Variants in RSPH3 observed in about 807,000 individuals in gnomAD.
RSPH3 encodes radial spoke head 3.
Under a neutral mutation model 43.8 loss-of-function variants are expected in RSPH3, and 21 were observed. That is an observed-to-expected ratio of 0.48 (90% confidence interval 0.34 to 0.69). The LOEUF is 0.69. RSPH3 is among the 30% of genes least tolerant of loss of function. The probability of loss-of-function intolerance (pLI) is 0.01; values close to 1 mark genes in which losing one functional copy is unlikely to be tolerated. For synonymous variants in RSPH3, 173 were observed against 179.8 expected, an observed-to-expected ratio of 0.96 and a Z score of 0.30; for missense variants, 487 against 516.0, an observed-to-expected ratio of 0.94 and a Z score of 0.54.
Position 158,977,697 on chromosome 6 carries a change from T to C in RSPH3, c.1098A>G (p.Ser366=), listed in dbSNP as rs1002877404. 1 of 1,614,074 alleles carries C rather than the reference T, an allele frequency of 6.2e-7. No homozygotes were observed. The highest frequency in any genetic ancestry group is 1.3e-5 in the African/African-American group (1 of 74,922). ...EASEFLEQSM[S]QTRELLLDGG... is the part of the protein sequence containing the mutation. The stretch of plus-strand genomic sequence containing the variant: ...CATCTAAAAGCAGCTCCCGTGTCTG[T>C]GACATGCTCTGCTCCAGGAATTCAG... Residue 366 remains serine (S), a synonymous_variant, in exon 8 of 8, where the codon TCA becomes TCG. Coordinates refer to ENST00000367069, the MANE Select transcript of RSPH3 (RefSeq NM_031924.8).
rs928100911 is a variant in RSPH3, at chr6:158,989,594, A to G, written c.205-3173T>C. Among the ~76,000 whole-genome samples the G allele has an allele frequency of 2.6e-5, 4 of 152,232 alleles. No homozygotes were observed. The East Asian group carries it at 7.7e-4, about 29-fold the overall frequency. On this transcript the variant is annotated intron_variant, in intron 2 of 7. Transcript: ENST00000367069. This position sits in a 1 kb window ranked among gnomAD's most constrained non-coding sequence, Gnocchi z 4.3. ...TTGGTGTTTCCTTTGGTTGAGTTAT[A>G]CAGCAGAGTGTCCAGGGCTGGAGAT...
intron 6 of RSPH3, 59 bp from the exon 7 acceptor site, chr6:158,978,405 C>A: frequency 2.4e-6 from 2 of 837,446 alleles, no homozygotes; most frequent in South Asian, 1.4e-5. Flanking sequence ...GCGCTTTTCT[C>A]TTAATGTAAT....
rs1013982011 is a variant in RSPH3, at chr6:158,974,368, T to C, written c.*3170A>G. ...AACTGTTATGATGGTCCCATAACCATCTGAATGTTAATAGTACCCATTTTC... is the reference window on the plus strand; with the variant it reads ...AACTGTTATGATGGTCCCATAACCACCTGAATGTTAATAGTACCCATTTTC... On this transcript the variant is annotated 3_prime_UTR_variant, in exon 8 of 8. Coordinates refer to ENST00000367069, the MANE Select transcript of RSPH3 (RefSeq NM_031924.8). The C allele has an allele frequency of 6.6e-6, 1 of 152,220 alleles. No homozygotes were observed. Among genetic ancestry groups the C allele is most frequent in the Admixed American group, 6.5e-5 (1 of 15,278 alleles). The allele number at this position is 152,220 out of a possible 1,614,324, so 9.4% of individuals were successfully genotyped here.
rs1777878296 is a variant in RSPH3, at chr6:158,977,398, G to T, written c.*140C>A. On this transcript the variant is annotated 3_prime_UTR_variant, in exon 8 of 8. Coordinates refer to ENST00000367069, the MANE Select transcript of RSPH3 (RefSeq NM_031924.8). ...TTCTCAAATTAATTTTATCACATTT[G>T]ATTGGCCCAGTCCATTACACAAAAA... The T allele has an allele frequency of 3.0e-6, 2 of 660,042 alleles. No individual in the cohort carries two copies. Among genetic ancestry groups the T allele is most frequent in the Non-Finnish European group, 2.6e-6 (1 of 390,580 alleles). The allele number at this position is 660,042 out of a possible 1,614,324, so 40.9% of individuals were successfully genotyped here.
rs1429048916 is a variant in RSPH3 at position 158,998,456 on chromosome 6, G to A, written c.116+979C>T. On this transcript the variant is annotated intron_variant, in intron 1 of 7. Coordinates refer to ENST00000367069, the MANE Select transcript of RSPH3 (RefSeq NM_031924.8). Reference sequence around the variant, plus strand: ...TGCACTCCAGCCTGGGCGACAGAGCGAGACTCCGTCTCAAAAAAAAAAAAA... The same window carrying A: ...TGCACTCCAGCCTGGGCGACAGAGCAAGACTCCGTCTCAAAAAAAAAAAAA... Among the ~76,000 whole-genome samples, 4 of 138,222 alleles carry A rather than the reference G, an allele frequency of 2.9e-5. No homozygotes were observed. The East Asian group carries it at 8.5e-4, about 29-fold the overall frequency. The allele number at this position is 138,222 out of a possible 152,430, so 90.7% of individuals were successfully genotyped here. A position where few individuals can be genotyped will look rare whatever the true frequency, so the allele number is the denominator to read the frequency against.
At chr6:158,990,234 A>C (rs1311104411) in intron 2 of RSPH3, among the ~76,000 whole-genome samples, 1 of 152,088 alleles carries the variant, frequency 6.6e-6, no homozygotes, top group Non-Finnish European at 1.5e-5. Flanking sequence ...GAGAACCCTA[A>C]TACAATCCTC....
At chr6:158,987,887 T>C (rs1035941628) in intron 2 of RSPH3, among the ~76,000 whole-genome samples, 1 of 152,258 alleles carries the variant, frequency 6.6e-6, no homozygotes, top group Non-Finnish European at 1.5e-5. Flanking sequence ...AGTAGAATTA[T>C]GAGTGGACCG....
chr6:158,993,005 C>A (rs1402502006), intron 2 of RSPH3, among the ~76,000 whole-genome samples: 3 of 152,154 alleles, frequency 2.0e-5, no homozygotes, highest in African/African-American at 7.2e-5. Context: ...ATGTGGGCCT[C>A]TGGCTAGTGT....
At chr6:158,970,345 T>A (rs903759123), downstream of RSPH3, among the ~76,000 whole-genome samples, 1 of 152,214 alleles carries the variant, frequency 6.6e-6, no homozygotes, top group Non-Finnish European at 1.5e-5. Flanking sequence ...CCATCCTTTG[T>A]TGAGTGGCTC....
rs549135750 is a variant in RSPH3, at chr6:159,000,040, G to A, written c.-490C>T. The A allele has an allele frequency of 1.8e-4, 263 of 1,467,402 alleles. No individual in the cohort carries two copies. In the Middle Eastern group the frequency reaches 2.4e-3, roughly 13 times the overall value. The allele number at this position is 1,467,402 out of a possible 1,614,324, so 90.9% of individuals were successfully genotyped here. A position where few individuals can be genotyped will look rare whatever the true frequency, so the allele number is the denominator to read the frequency against. On this transcript the variant is annotated 5_prime_UTR_variant, in exon 1 of 8. Coordinates refer to ENST00000367069, the MANE Select transcript of RSPH3 (RefSeq NM_031924.8). ...CGGCTTTGGAATGTGGCTTTGCAGG[G>A]CTGGTGTTGGCGCCATTCTCGCAGG...
chr6:158,983,590 T>C (rs1778112297), intron 4 of RSPH3, 72 bp downstream of exon 4: 1 of 1,100,790 alleles, frequency 9.1e-7, no homozygotes, highest in Admixed American at 1.7e-5. Flanking sequence ...TTGCTCATAT[T>C]AAGCATTATC....
intron 2 of RSPH3, among the ~76,000 whole-genome samples, chr6:158,991,939 C>A (rs1353480399): frequency 6.8e-6 from 1 of 146,626 alleles, no homozygotes; most frequent in Non-Finnish European, 1.5e-5. Flanking sequence ...CTCATACAAC[C>A]ATTCTATTTT....
At chr6:158,995,703 TCCTG>T (rs1185594369) in intron 1 of RSPH3, among the ~76,000 whole-genome samples, 1 of 152,124 alleles carries the variant, frequency 6.6e-6, no homozygotes, top group Non-Finnish European at 1.5e-5. Context: ...CATGCCATTC[TCCTG>T]CCTCAGCCTC....
rs771571068 is a variant in RSPH3, at chr6:158,977,861, A to T, written c.947-13T>A. ...TCACGGATCAACACTGAAAAGTTAA[A>T]TGTTCAGACATCACTATGATTTTCA... On this transcript the variant is annotated splice_polypyrimidine_tract_variant and intron_variant, in intron 7 of 7. Transcript: ENST00000367069. 1.3e-6 allele frequency: 2 copies of T among 1,578,092 alleles called. No individual in the cohort carries two copies. Among genetic ancestry groups the T allele is most frequent in the East Asian group, 4.5e-5 (2 of 44,602 alleles).
chr6:158,986,162 G>T (rs533223548), intron 3 of RSPH3, 118 bp downstream of exon 3: 22 of 947,276 alleles, frequency 2.3e-5, no homozygotes, highest in Non-Finnish European at 3.2e-5. Flanking sequence ...CCATGTGATC[G>T]GGGAAGTATC....
chr6:158,983,243 A>C (rs1252346795), intron 4 of RSPH3, among the ~76,000 whole-genome samples: 3 of 152,152 alleles, frequency 2.0e-5, no homozygotes, highest in Non-Finnish European at 4.4e-5. Flanking sequence ...TGATAGAAAA[A>C]TGTAATTATT....
chr6:158,997,932 C>T (rs1010178529), intron 1 of RSPH3, among the ~76,000 whole-genome samples: 5 of 147,572 alleles, frequency 3.4e-5, no homozygotes, highest in East Asian at 3.9e-4. Flanking sequence ...TTAGAAAGAG[C>T]GTTTGAAATA....
At chr6:158,993,961 TA>T (rs762172128) in intron 1 of RSPH3, 35 bp from the exon 2 acceptor site, 1 of 1,120,860 alleles carries the variant, frequency 8.9e-7, no homozygotes. Context: ...ACCACTTTAA[TA>T]GAGTATTGGT....
chr6:158,989,107 T>C lies in RSPH3; in HGVS notation c.205-2686A>G, dbSNP rs1423565378. On this transcript the variant is annotated intron_variant, in intron 2 of 7. Transcript: ENST00000367069. The surrounding 1 kb of genome is among the most constrained non-coding windows in gnomAD (Gnocchi z 4.3). ...TGTCACCCTGGCTGGAGTGCAGTGG[T>C]GTGATCTTGGCTCACTGCAACCTCT... 8.3e-6 allele frequency among the ~76,000 whole-genome samples: 1 copy of C among 120,786 alleles called. No homozygotes were observed. The highest frequency in any genetic ancestry group is 1.7e-5 in the Non-Finnish European group (1 of 58,060). The allele number at this position is 120,786 out of a possible 152,430, so 79.2% of individuals were successfully genotyped here.
Sources: allele counts gnomAD v4.1 joint callset (sites outside exome capture counted in the v4.1 genomes callset), GRCh38; gene constraint gnomAD v4.1.1; non-coding constraint Gnocchi (gnomAD v3.1); transcripts MANE v1.5; gene names NCBI Gene and HGNC (gene_info 2026-07-23, HGNC 2026-07-21).